UBR1: variants seen among roughly 807,000 people sequenced by gnomAD.
UBR1 encodes E3 ubiquitin-protein ligase UBR1.
Under a neutral mutation model 242.1 loss-of-function variants are expected in UBR1, and 102 were observed. The ratio of observed to expected loss-of-function variants is 0.42; its 90% confidence interval spans 0.36 to 0.50. The LOEUF is 0.50. Among genes scored for constraint, UBR1 ranks in the 20% least tolerant of loss-of-function variants. The pLI is 0.01. For synonymous variants in UBR1, 675 were observed against 684.8 expected (o/e 0.99, Z 0.22); for missense variants, 1,772 against 2,101.8 (o/e 0.84, Z 3.07).
intron 3 of UBR1, among the ~76,000 whole-genome samples, chr15:43,078,993 A>C (rs2033941529): frequency 6.6e-6 from 1 of 152,222 alleles, no homozygotes; most frequent in Admixed American, 6.5e-5. Flanking sequence ...CAAAATATAG[A>C]CTCAAATGAA....
rs139408969 is a variant in UBR1, at chr15:42,990,087, C to T, written c.3791G>A (p.Gly1264Glu). Residue 1264 changes from glycine (G) to glutamate (E), a missense_variant, in exon 34 of 47, where the codon GGA (glycine) becomes GAA (glutamate). Transcript: ENST00000290650. Reference protein sequence around the residue: ...ENPIPIFFNQGMGDSTLEFHS... With the variant: ...ENPIPIFFNQEMGDSTLEFHS... ...GAACTCCAAAGTAGAATCTCCCATT[C>T]CTTGATTAAAGAAAATAGGAATTGG... The T allele has an allele frequency of 1.5e-3, 2,405 of 1,605,698 alleles. 13 individuals carry two copies. The African/African-American group carries it at 0.016, about 11-fold the overall frequency.
At chr15:43,056,009 G>T (rs1002964160) in intron 11 of UBR1, among the ~76,000 whole-genome samples, 1 of 152,126 alleles carries the variant, frequency 6.6e-6, no homozygotes, top group East Asian at 1.9e-4. Flanking sequence ...TCTCCCAAAT[G>T]CTTGACAGGC....
intron 37 of UBR1, among the ~76,000 whole-genome samples, chr15:42,979,448 T>C (rs2032342743): frequency 6.6e-6 from 1 of 152,206 alleles, no homozygotes; most frequent in Non-Finnish European, 1.5e-5. Flanking sequence ...CAGTATTGGC[T>C]GTGACTACTG....
chr15:42,981,549 T>A (rs1255133310), intron 37 of UBR1, among the ~76,000 whole-genome samples: 3 of 152,050 alleles, frequency 2.0e-5, no homozygotes, highest in African/African-American at 7.2e-5. Flanking sequence ...GAGTGCAGTG[T>A]GGCAATCTCA....
chr15:43,039,462 C>T (rs914993764), intron 15 of UBR1, among the ~76,000 whole-genome samples: 15 of 152,190 alleles, frequency 9.9e-5, no homozygotes, highest in African/African-American at 3.4e-4. Context: ...AGTTCACTCA[C>T]GATTTGGCTC....
chr15:42,969,043 T>C (rs1467151375), intron 40 of UBR1, among the ~76,000 whole-genome samples: 3 of 152,174 alleles, frequency 2.0e-5, no homozygotes, highest in Admixed American at 2.0e-4. Context: ...AGTAATGGGA[T>C]TGCTGGGTCA....
chr15:42,954,859 G>A (rs1431800919), intron 44 of UBR1, among the ~76,000 whole-genome samples: 1 of 152,026 alleles, frequency 6.6e-6, no homozygotes, highest in Non-Finnish European at 1.5e-5. Flanking sequence ...ATAATCCACC[G>A]CACCTGGCCT....
At chr15:43,001,440 T>C (rs553506952) in intron 32 of UBR1, among the ~76,000 whole-genome samples, 1 of 152,334 alleles carries the variant, frequency 6.6e-6, no homozygotes, top group Non-Finnish European at 1.5e-5. Flanking sequence ...AGCCATGGCG[T>C]CCCGCCAGAG....
chr15:42,986,166 T>C (rs1192833109), intron 35 of UBR1, among the ~76,000 whole-genome samples: 1 of 152,152 alleles, frequency 6.6e-6, no homozygotes, highest in African/African-American at 2.4e-5. Context: ...AAACAGTAAT[T>C]CAAAGGACGC....
chr15:42,974,526 C>T (rs987078010), intron 39 of UBR1, among the ~76,000 whole-genome samples: 6 of 152,192 alleles, frequency 3.9e-5, no homozygotes, highest in African/African-American at 1.2e-4. Flanking sequence ...TCTTCTCCTC[C>T]AATACTGAGC....
intron 21 of UBR1, among the ~76,000 whole-genome samples, chr15:43,029,009 C>T (rs1402599948): frequency 1.3e-5 from 2 of 151,974 alleles, no homozygotes; most frequent in South Asian, 2.1e-4. Context: ...CGCTTGAACC[C>T]GGGAGACGGA....
intron 46 of UBR1, 31 bp from the exon 47 acceptor site, chr15:42,945,501 A>T: frequency 6.2e-7 from 1 of 1,612,748 alleles, no homozygotes; most frequent in South Asian, 1.1e-5. Flanking sequence ...ACAACATGTA[A>T]GTTTGAATCT....
chr15:43,102,888 G>C (rs2034255204), intron 1 of UBR1, among the ~76,000 whole-genome samples: 1 of 152,234 alleles, frequency 6.6e-6, no homozygotes, highest in Non-Finnish European at 1.5e-5. Context: ...TCTTATCCGG[G>C]CTGGGCGTAG....
At chr15:42,991,457 T>C (rs1038216156) in intron 33 of UBR1, among the ~76,000 whole-genome samples, 2 of 152,154 alleles carry the variant, frequency 1.3e-5, no homozygotes, top group Non-Finnish European at 2.9e-5. Context: ...GTGGTTTTCT[T>C]ATCTGCTTGA....
intron 27 of UBR1, 90 bp from the exon 28 acceptor site, chr15:43,017,271 A>C (rs58941543): frequency 2.3e-6 from 2 of 866,008 alleles, no homozygotes; most frequent in Non-Finnish European, 3.8e-6. Flanking sequence ...TTTTGGCATC[A>C]TATCTCCAAA....
intron 2 of UBR1, among the ~76,000 whole-genome samples, chr15:43,083,960 C>T (rs2034002881): frequency 6.6e-6 from 1 of 151,984 alleles, no homozygotes; most frequent in Non-Finnish European, 1.5e-5. Flanking sequence ...AGGAAAATTG[C>T]TTGAACCTGG....
At chr15:43,076,717 C>G (rs866514072) in intron 3 of UBR1, among the ~76,000 whole-genome samples, 2,038 of 146,570 alleles carry the variant, frequency 0.014, 54 homozygotes, top group African/African-American at 0.048. Context: ...GCAGCCACCC[C>G]GTCTGGGAAG....
In UBR1 at chr15:42,966,182, C is replaced by T; in HGVS notation, c.4562G>A (p.Gly1521Glu). 3 of 1,614,024 alleles carry T rather than the reference C, an allele frequency of 1.9e-6. No individual in the cohort carries two copies. Among genetic ancestry groups the T allele is most frequent in the Non-Finnish European group, 2.5e-6 (3 of 1,180,012 alleles). The change falls in exon 41 of 47, where the codon GGG (glycine) becomes GAG (glutamate). Residue 1521 changes from glycine (G) to glutamate (E), a missense_variant. Coordinates refer to ENST00000290650, the MANE Select transcript of UBR1 (RefSeq NM_174916.3). The part of the protein sequence containing the change: ...CAALFFHYLL[G>E]VTPPEELHTN... The stretch of plus-strand genomic sequence containing the variant: ...ATGCAGTTCCTCAGGCGGAGTTACC[C>T]CAAGTAAATAGTGGAAAAACAATGC...
At chr15:42,980,166 C>A (rs1419952441) in intron 37 of UBR1, among the ~76,000 whole-genome samples, 3 of 152,084 alleles carry the variant, frequency 2.0e-5, no homozygotes, top group Non-Finnish European at 2.9e-5. Flanking sequence ...ATCTTTTCAG[C>A]CAAAAGAATA....
Sources: allele counts gnomAD v4.1 joint callset (sites outside exome capture counted in the v4.1 genomes callset), GRCh38; gene constraint gnomAD v4.1.1; transcripts MANE v1.5; gene names NCBI Gene and HGNC (gene_info 2026-07-23, HGNC 2026-07-21).